The following TRIM54 variants were observed in gnomAD, a reference collection of about 807,000 sequenced individuals.
TRIM54 encodes the protein tripartite motif-containing protein 54.
A neutral mutation model predicts 42.0 loss-of-function variants in TRIM54; 40 were observed. The observed-to-expected ratio is 0.95, with a 90% CI of 0.74 to 1.24. TRIM54 has a LOEUF of 1.24. Among genes scored for constraint, TRIM54 ranks in the 50% most tolerant of loss-of-function variants. TRIM54 has a pLI of 0.00. For missense variants in TRIM54, 485 were observed against 480.3 expected, an observed-to-expected ratio of 1.01 and a Z score of -0.09; for synonymous variants, 199 against 194.9, an observed-to-expected ratio of 1.02 and a Z score of -0.17.
intron 1 of TRIM54, among the ~76,000 whole-genome samples, chr2:27,298,303 T>C (rs1390657264): frequency 6.6e-6 from 1 of 152,186 alleles, no homozygotes; most frequent in African/African-American, 2.4e-5. Context: ...GATCCCATCC[T>C]GACTATGCCT....
intron 1 of TRIM54, among the ~76,000 whole-genome samples, chr2:27,294,336 G>A (rs1241460227): frequency 5.9e-5 from 9 of 151,924 alleles, no homozygotes; most frequent in Non-Finnish European, 1.0e-4. Context: ...GCCCAGGCTG[G>A]TCTTGAACTC....
chr2:27,305,102 G>A (rs764981512), intron 4 of TRIM54, 48 bp downstream of exon 4: 19 of 1,526,338 alleles, frequency 1.2e-5, no homozygotes, highest in Admixed American at 5.4e-5. Context: ...GCTAGCCTGC[G>A]GACCCCGGGC....
intron 1 of TRIM54, 37 bp from the exon 2 acceptor site, chr2:27,298,530 C>T: frequency 1.3e-6 from 2 of 1,587,536 alleles, no homozygotes; most frequent in Non-Finnish European, 1.7e-6. Context: ...CTTCATGCCT[C>T]CCCGTGCCTG....
At chr2:27,300,926 T>C (rs1679018743) in intron 3 of TRIM54, among the ~76,000 whole-genome samples, 1 of 152,152 alleles carries the variant, frequency 6.6e-6, no homozygotes, top group African/African-American at 2.4e-5. Context: ...AGGCTTGTTT[T>C]GAATTCCTGG....
At chr2:27,295,732 A>G (rs1333097276) in intron 1 of TRIM54, among the ~76,000 whole-genome samples, 1 of 152,194 alleles carries the variant, frequency 6.6e-6, no homozygotes, top group African/African-American at 2.4e-5. Context: ...GCTGTGGGAT[A>G]TAGGTCCCCC....
At chr2:27,305,492 C>T (rs1171207492) in intron 4 of TRIM54, 92 bp from the exon 5 acceptor site, 2 of 1,080,694 alleles carry the variant, frequency 1.9e-6, no homozygotes, top group Admixed American at 2.3e-5. Context: ...GGATGGGTCA[C>T]TTTCTGTGTT....
In TRIM54 at chr2:27,306,684, A is replaced by G. The variant is rs1185739374; in HGVS notation, c.*1+142A>G. ...AGCCCCCACTCCTCGGTGCAACCCA[A>G]CCCCGGAGCCACAAAGGCGCGCCCC... On this transcript the variant is annotated intron_variant, in intron 8 of 8. Coordinates refer to ENST00000380075, the MANE Select transcript of TRIM54 (RefSeq NM_187841.3). The surrounding 1 kb of genome is among the most constrained non-coding windows in gnomAD (Gnocchi z 6.1). 6 of 916,214 alleles carry G rather than the reference A, an allele frequency of 6.5e-6. No individual in the cohort carries two copies. The highest frequency in any genetic ancestry group is 2.9e-5 in the Admixed American group (1 of 34,172). The allele number at this position is 916,214 out of a possible 1,614,324, so 56.8% of individuals were successfully genotyped here.
intron 1 of TRIM54, among the ~76,000 whole-genome samples, chr2:27,297,535 CATCCTGCTGG>C (rs1678898913): frequency 6.6e-6 from 1 of 152,222 alleles, no homozygotes; most frequent in Non-Finnish European, 1.5e-5. Flanking sequence ...TCACAACACC[CATCCTGCTGG>C]ATGCAGTTGT....
Position 27,306,423 on chromosome 2 carries a change from G to A in TRIM54, c.992-33G>A, listed in dbSNP as rs758431393. 1.4e-4 allele frequency: 230 copies of A among 1,609,182 alleles called. 1 individual carries two copies. The South Asian group carries it at 2.3e-3, about 16-fold the overall frequency. On this transcript the variant is annotated intron_variant, in intron 7 of 8. Transcript: ENST00000380075. This position sits in a 1 kb window ranked among gnomAD's most constrained non-coding sequence, Gnocchi z 6.1. ...CGGGCACGATGGCCGTAAAGGCAGG[G>A]ACTCCACCTCACCAGGCCTTCCTTG...
intron 3 of TRIM54, among the ~76,000 whole-genome samples, chr2:27,303,579 G>A (rs763531028): frequency 1.4e-4 from 22 of 151,942 alleles, no homozygotes; most frequent in Non-Finnish European, 3.1e-4. Flanking sequence ...GGAGACCGTA[G>A]GTTAAACTAG....
chr2:27,300,319 C>T (rs1331114922), intron 3 of TRIM54, among the ~76,000 whole-genome samples: 1 of 152,148 alleles, frequency 6.6e-6, no homozygotes, highest in East Asian at 1.9e-4. Context: ...TTATAGGCGC[C>T]TACCACCATG....
intron 3 of TRIM54, 169 bp from the exon 4 acceptor site, chr2:27,304,790 G>T: frequency 1.9e-6 from 1 of 530,150 alleles, no homozygotes. Context: ...AGAATCACTA[G>T]AATGTGCTTC....
At position 27,299,377 on chromosome 2, in the gene TRIM54, T is replaced by C. The variant is rs1029816243; in HGVS notation, c.474T>C (p.Cys158=). 13 of 1,613,986 alleles carry C rather than the reference T, an allele frequency of 8.1e-6. No homozygotes were observed. Among genetic ancestry groups the C allele is most frequent in the African/African-American group, 1.3e-5 (1 of 74,924 alleles). Residue 158 remains cysteine (C), a synonymous_variant, in exon 3 of 9, where the codon TGT becomes TGC. Transcript: ENST00000380075. ...LCKVFGAHKD[C]EVAPLPTIYK... ...AGGTCTTCGGTGCCCACAAGGACTG[T>C]GAGGTGGCCCCACTGCCCACCATTT... is the stretch of plus-strand genomic sequence containing the variant.
chr2:27,293,740 G>T (rs548682739), intron 1 of TRIM54, among the ~76,000 whole-genome samples: 1 of 152,088 alleles, frequency 6.6e-6, no homozygotes, highest in African/African-American at 2.4e-5. Flanking sequence ...AACAAAAAAC[G>T]GCCAGGTGAG....
chr2:27,292,362 G>C (rs1338209833), intron 1 of TRIM54, among the ~76,000 whole-genome samples: 1 of 152,138 alleles, frequency 6.6e-6, no homozygotes, highest in Non-Finnish European at 1.5e-5. Flanking sequence ...CTTGAGGCCA[G>C]GAGTTTGACA....
At chr2:27,292,366 T>A (rs1289056086) in intron 1 of TRIM54, among the ~76,000 whole-genome samples, 1 of 151,620 alleles carries the variant, frequency 6.6e-6, no homozygotes, top group Non-Finnish European at 1.5e-5. Flanking sequence ...AGGCCAGGAG[T>A]TTGACATCAG....
chr2:27,306,621 C>A lies in TRIM54; in HGVS notation c.*1+79C>A. 1 of 1,366,288 alleles carries A rather than the reference C, an allele frequency of 7.3e-7. No homozygotes were observed. The highest frequency in any genetic ancestry group is 9.8e-7 in the Non-Finnish European group (1 of 1,019,942). 84.6% of individuals were successfully genotyped at this position (1,366,288 alleles called of 1,614,324 possible). ...GGGGCCTGGCTGGTGTGCTCGCGTC[C>A]CCTCCCCCAGTGATTGCCCTCCCTG... On this transcript the variant is annotated intron_variant, in intron 8 of 8. Transcript: ENST00000380075. The surrounding 1 kb of genome is among the most constrained non-coding windows in gnomAD (Gnocchi z 6.1).
chr2:27,304,466 G>A (rs1679132620), intron 3 of TRIM54, among the ~76,000 whole-genome samples: 1 of 79,784 alleles, frequency 1.3e-5, no homozygotes, highest in Non-Finnish European at 2.7e-5. Flanking sequence ...TGATAGATTT[G>A]TCTGAAAACA....
In TRIM54 at chr2:27,299,408, C is replaced by T. The variant is rs748843079; in HGVS notation, c.505C>T (p.Arg169Cys). The T allele has an allele frequency of 2.0e-5, 32 of 1,613,674 alleles. No homozygotes were observed. In the Admixed American group the frequency reaches 2.5e-4, roughly 13 times the overall value. ...GGCCCCACTGCCCACCATTTACAAA[C>T]GCCAGAAGGTATCAAACAGGGGAGG... is the stretch of plus-strand genomic sequence containing the variant. ...EVAPLPTIYK[R>C]QKSELSDGIA... The change falls in exon 3 of 9, where the codon CGC becomes TGC. Residue 169 changes from arginine (R) to cysteine (C), a missense_variant. By Grantham distance (180) the Arg-to-Cys change is radical. Coordinates refer to ENST00000380075, the MANE Select transcript of TRIM54 (RefSeq NM_187841.3).
Sources: gnomAD v4.1 joint callset for allele counts (sites outside exome capture counted in the v4.1 genomes callset) on GRCh38, gnomAD v4.1.1 for gene constraint, Gnocchi (gnomAD v3.1) non-coding constraint, MANE v1.5 for transcripts, NCBI Gene and HGNC (gene_info 2026-07-23, HGNC 2026-07-21) for gene names.